ABRA: variants seen among roughly 807,000 people sequenced by gnomAD.
ABRA encodes the protein actin binding Rho activating protein, also known as actin-binding Rho-activating protein.
In ABRA, 25 loss-of-function variants were observed where a neutral mutation model predicts 33.4. The ratio of observed to expected loss-of-function variants is 0.75; its 90% CI spans 0.55 to 1.04. The LOEUF is 1.04. Ranked by LOEUF, ABRA falls within the 50% of genes least tolerant of loss-of-function variation. ABRA has a pLI of 0.00. For synonymous variants in ABRA, 193 were observed against 176.8 expected, an observed-to-expected ratio of 1.09 and a Z score of -0.73; for missense variants, 501 against 491.7, an observed-to-expected ratio of 1.02 and a Z score of -0.18.
chr8:106,761,681 A>G (rs1443621495), intron 1 of ABRA, among the ~76,000 whole-genome samples, 167 bp from the exon 2 acceptor site: 5 of 152,244 alleles, frequency 3.3e-5, no homozygotes, highest in Non-Finnish European at 7.3e-5. Context: ...AAAATCATAC[A>G]TAGTCCCACC....
At chr8:106,763,096 A>G (rs1836160212) in intron 1 of ABRA, among the ~76,000 whole-genome samples, 1 of 152,196 alleles carries the variant, frequency 6.6e-6, no homozygotes. Flanking sequence ...AAAACCCAGG[A>G]ACCAATCAGA....
Position 106,770,129 on chromosome 8 carries a change from C to G in ABRA, c.62G>C (p.Arg21Pro). ...GPAKSALRKIRTATLVISLAR... is the reference protein window; with the variant it reads ...GPAKSALRKIPTATLVISLAR... ...CAAGCTGATGACCAGGGTGGCTGTG[C>G]GTATCTTCCGGAGGGCGCTCTTGGC... The change falls in exon 1 of 2, where the codon CGC becomes CCC. Residue 21 changes from arginine (R) to proline (P), a missense_variant. Physicochemically the swap from Arg to Pro is moderately radical, Grantham distance 103. Transcript: ENST00000311955. The G allele has an allele frequency of 6.2e-7, 1 of 1,613,672 alleles. No individual in the cohort carries two copies.
chr8:106,764,460 C>T (rs1470806531), intron 1 of ABRA, among the ~76,000 whole-genome samples: 2 of 152,120 alleles, frequency 1.3e-5, no homozygotes, highest in East Asian at 3.9e-4. Context: ...TCGAGATTAG[C>T]CTGGCTATCA....
At chr8:106,765,701 C>T (rs1457008695) in intron 1 of ABRA, among the ~76,000 whole-genome samples, 1 of 152,126 alleles carries the variant, frequency 6.6e-6, no homozygotes, top group Non-Finnish European at 1.5e-5. Flanking sequence ...GAGAGCCAGG[C>T]CTGTGATTCT....
rs751558306 is a variant in ABRA at position 106,761,243 on chromosome 8, A to C, written c.940T>G (p.Cys314Gly). The C allele has an allele frequency of 5.0e-6, 8 of 1,614,112 alleles. No individual in the cohort carries two copies. Among genetic ancestry groups the C allele is most frequent in the Non-Finnish European group, 6.8e-6 (8 of 1,180,048 alleles). The change falls in exon 2 of 2, where the codon TGC (cysteine) becomes GGC (glycine). Residue 314 changes from cysteine to glycine, a missense_variant. Physicochemically the swap from Cys to Gly is radical, Grantham distance 159. Coordinates refer to ENST00000311955, the MANE Select transcript of ABRA (RefSeq NM_139166.5). The part of the protein sequence containing the change: ...EHIYREMMDM[C>G]FIICTMARHR... ...CGAGCCATTGTGCAGATAATGAAGC[A>C]CATGTCCATCATTTCCCTGTAGATG...
At position 106,769,963 on chromosome 8, in the gene ABRA, C is replaced by T; in HGVS notation, c.228G>A (p.Gln76=). The change falls in exon 1 of 2, where the codon CAG becomes CAA. Residue 76 remains glutamine, a synonymous_variant. Transcript: ENST00000311955. ...GGCGGGGTGGCGACTTTGGGGCACT[C>T]TGAGCTTTCTGGTGTGAAGTAGGGG... The part of the protein sequence containing the change: ...ITPPTSHQKA[Q]SAPKSPPRLP... 6.2e-7 allele frequency: 1 copy of T among 1,613,814 alleles called. No homozygotes were observed. The highest frequency in any genetic ancestry group is 1.1e-5 in the South Asian group (1 of 91,056).
intron 1 of ABRA, 95 bp downstream of exon 1, chr8:106,769,428 C>T (rs1172507813): frequency 5.4e-6 from 8 of 1,493,966 alleles, no homozygotes; most frequent in Non-Finnish European, 7.2e-6. Flanking sequence ...CTCACTCTAA[C>T]CCTGGCAGGA....
At chr8:106,764,451 C>T (rs1249632035) in intron 1 of ABRA, among the ~76,000 whole-genome samples, 7 of 152,046 alleles carry the variant, frequency 4.6e-5, no homozygotes, top group African/African-American at 7.2e-5. Flanking sequence ...GCCAGGAGTT[C>T]GAGATTAGCC....
Position 106,770,222 on chromosome 8 carries a change from T to C in ABRA, c.-32A>G. 1 of 1,574,968 alleles carries C rather than the reference T, an allele frequency of 6.3e-7. No individual in the cohort carries two copies. ...CACCTGTCTTTCTCTGCTGATAGCC[T>C]GGACACTGGCTAAAATGAGTGTGGT... On this transcript the variant is annotated 5_prime_UTR_variant, in exon 1 of 2. Coordinates refer to ENST00000311955, the MANE Select transcript of ABRA (RefSeq NM_139166.5).
At chr8:106,762,869 C>T (rs1836157706) in intron 1 of ABRA, among the ~76,000 whole-genome samples, 2 of 152,180 alleles carry the variant, frequency 1.3e-5, no homozygotes, top group African/African-American at 2.4e-5. Context: ...GACTTTTTCC[C>T]TAGGTCTCTA....
In ABRA at chr8:106,770,132, A is replaced by C; in HGVS notation, c.59T>G (p.Ile20Arg). The C allele has an allele frequency of 6.2e-7, 1 of 1,613,642 alleles. No homozygotes were observed. The highest frequency in any genetic ancestry group is 2.2e-5 in the East Asian group (1 of 44,868). ...EGPAKSALRKIRTATLVISLA... is the reference protein window; with the variant it reads ...EGPAKSALRKRRTATLVISLA... ...GCTGATGACCAGGGTGGCTGTGCGT[A>C]TCTTCCGGAGGGCGCTCTTGGCTGG... Residue 20 changes from isoleucine to arginine, a missense_variant, in exon 1 of 2, where the codon ATA becomes AGA. Coordinates refer to ENST00000311955, the MANE Select transcript of ABRA (RefSeq NM_139166.5).
At chr8:106,766,613 AT>A (rs1369068757) in intron 1 of ABRA, among the ~76,000 whole-genome samples, 1 of 152,174 alleles carries the variant, frequency 6.6e-6, no homozygotes, top group Non-Finnish European at 1.5e-5. Flanking sequence ...GTTGCTGCAT[AT>A]AACATTCTGG....
rs1171672454 is a variant in ABRA at position 106,760,299 on chromosome 8, T to C, written c.*738A>G. 6.6e-6 allele frequency: 1 copy of C among 152,194 alleles called. No homozygotes were observed. Among genetic ancestry groups the C allele is most frequent in the East Asian group, 1.9e-4 (1 of 5,196 alleles). The allele number at this position is 152,194 out of a possible 1,614,324, so 9.4% of individuals were successfully genotyped here. On this transcript the variant is annotated 3_prime_UTR_variant, in exon 2 of 2. Coordinates refer to ENST00000311955, the MANE Select transcript of ABRA (RefSeq NM_139166.5). Reference sequence around the variant, plus strand: ...AAGTGTCTGTTTTTATGTGATTTGCTGAAATCAAACAAGAGGAAGGTGAAC... The same window carrying C: ...AAGTGTCTGTTTTTATGTGATTTGCCGAAATCAAACAAGAGGAAGGTGAAC...
In ABRA at chr8:106,760,838, T is replaced by C. The variant is rs971469479; in HGVS notation, c.*199A>G. ...TATTATACATTAACATTCTATGTGC[T>C]TTCTGAAATGCTTTGTGCCTTCTCA... On this transcript the variant is annotated 3_prime_UTR_variant, in exon 2 of 2. Transcript: ENST00000311955. The C allele has an allele frequency of 5.0e-6, 3 of 596,170 alleles. No homozygotes were observed. Among genetic ancestry groups the C allele is most frequent in the Non-Finnish European group, 5.9e-6 (2 of 337,254 alleles). The allele number at this position is 596,170 out of a possible 1,614,324, so 36.9% of individuals were successfully genotyped here. A position where few individuals can be genotyped will look rare whatever the true frequency, so the allele number is the denominator to read the frequency against.
intron 1 of ABRA, among the ~76,000 whole-genome samples, chr8:106,764,677 A>G (rs1448981309): frequency 6.6e-6 from 1 of 151,596 alleles, no homozygotes; most frequent in African/African-American, 2.4e-5. Context: ...ACAAACAAAA[A>G]AGACTGTAAA....
rs1836107679 is a variant in ABRA at position 106,759,639 on chromosome 8, T to G, written c.*1398A>C. The G allele has an allele frequency of 6.6e-6, 1 of 152,200 alleles. No individual in the cohort carries two copies. The highest frequency in any genetic ancestry group is 6.5e-5 in the Admixed American group (1 of 15,274). 9.4% of individuals were successfully genotyped at this position (152,200 alleles called of 1,614,324 possible). On this transcript the variant is annotated 3_prime_UTR_variant, in exon 2 of 2. Transcript: ENST00000311955. The stretch of plus-strand genomic sequence containing the variant: ...ATACGGTATGGAAACAAAATACGCA[T>G]ACTTTCTTAAGATACCAGAACCTTC...
In ABRA at chr8:106,769,418, C is replaced by T. The variant is rs1295840494; in HGVS notation, c.668+105G>A. The T allele has an allele frequency of 4.1e-6, 6 of 1,458,960 alleles. No individual in the cohort carries two copies. The Admixed American group carries it at 8.3e-5, about 20-fold the overall frequency. The allele number at this position is 1,458,960 out of a possible 1,614,324, so 90.4% of individuals were successfully genotyped here. A position where few individuals can be genotyped will look rare whatever the true frequency, so the allele number is the denominator to read the frequency against. ...CACTGCCTGTCCAGTCTTTGAGATT[C>T]TCACTCTAACCCTGGCAGGACTTCA... On this transcript the variant is annotated intron_variant, in intron 1 of 1. Coordinates refer to ENST00000311955, the MANE Select transcript of ABRA (RefSeq NM_139166.5).
chr8:106,761,668 A>G (rs1836142962), intron 1 of ABRA, among the ~76,000 whole-genome samples, 154 bp from the exon 2 acceptor site: 1 of 152,260 alleles, frequency 6.6e-6, no homozygotes, highest in Admixed American at 6.5e-5. Context: ...AAATGAAAGA[A>G]GAAAAATCAT....
chr8:106,761,269 T>A lies in ABRA; in HGVS notation c.914A>T (p.His305Leu), dbSNP rs780294176. 1 of 1,614,252 alleles carries A rather than the reference T, an allele frequency of 6.2e-7. No individual in the cohort carries two copies. Among genetic ancestry groups the A allele is most frequent in the South Asian group, 1.1e-5 (1 of 91,090 alleles). ...TAERAKRAEE[H>L]IYREMMDMCF... Reference sequence around the variant, plus strand: ...CATGTCCATCATTTCCCTGTAGATGTGCTCCTCAGCACGCTTGGCCCTTTC... The same window carrying A: ...CATGTCCATCATTTCCCTGTAGATGAGCTCCTCAGCACGCTTGGCCCTTTC... The change falls in exon 2 of 2, where the codon CAC becomes CTC. Residue 305 changes from histidine to leucine, a missense_variant. By Grantham distance (99) the His-to-Leu change is moderately conservative. Transcript: ENST00000311955.
Sources: allele counts gnomAD v4.1 joint callset (sites outside exome capture counted in the v4.1 genomes callset), GRCh38; gene constraint gnomAD v4.1.1; transcripts MANE v1.5; gene names NCBI Gene and HGNC (gene_info 2026-07-23, HGNC 2026-07-21).